The following SLIT2 variants were observed in gnomAD, a reference collection of about 807,000 sequenced individuals.
SLIT2 encodes the protein slit homolog 2 protein.
SLIT2 carries 41 observed loss-of-function variants against 185.7 expected under a neutral mutation model. The observed-to-expected ratio is 0.22, with a 90% CI of 0.17 to 0.29. The LOEUF is 0.29. Among genes scored for constraint, SLIT2 ranks in the 10% least tolerant of loss-of-function variants. SLIT2 has a pLI of 1.00. For synonymous variants in SLIT2, 693 were observed against 680.2 expected (o/e 1.02, Z -0.29); for missense variants, 1,571 against 1,909.0 (o/e 0.82, Z 3.30).
chr4:20,617,635 G>C lies in SLIT2; in HGVS notation c.4333G>C (p.Asp1445His), dbSNP rs141897818. 994 of 1,610,810 alleles carry C rather than the reference G, an allele frequency of 6.2e-4. 6 individuals are homozygous for C. The highest frequency in any genetic ancestry group is 2.9e-3 in the Middle Eastern group (14 of 4,746). Residue 1445 changes from aspartate to histidine, a missense_variant, in exon 36 of 37, where the codon GAC (aspartate) becomes CAC (histidine). Asp to His is a moderately conservative substitution (Grantham distance 81). Coordinates refer to ENST00000504154, the MANE Select transcript of SLIT2 (RefSeq NM_004787.4). ...YCECSSGYTGDSCDREISCRG... is the reference protein window; with the variant it reads ...YCECSSGYTGHSCDREISCRG... ...TGAATGCAGCAGTGGATACACGGGG[G>C]ACAGCTGTGATCGAGGTAAGCCAGC...
chr4:20,472,313 TAG>T (rs1474155149), intron 5 of SLIT2, among the ~76,000 whole-genome samples: 2 of 23,270 alleles, frequency 8.6e-5, no homozygotes, highest in African/African-American at 5.0e-4. Flanking sequence ...GATCTATATA[TAG>T]ATATATATAT....
chr4:20,525,142 T>C lies in SLIT2; in HGVS notation c.1439-7T>C, dbSNP rs1053489542. ...ATCTTCTATTTTTTGTCTCTTTTTT[T>C]ATTTAGCTAAAGAACAGTATTTCAT... is the stretch of plus-strand genomic sequence containing the variant. On this transcript the variant is annotated splice_polypyrimidine_tract_variant and splice_region_variant and intron_variant, in intron 14 of 36. Coordinates refer to ENST00000504154, the MANE Select transcript of SLIT2 (RefSeq NM_004787.4). The C allele has an allele frequency of 3.7e-6, 6 of 1,606,138 alleles. No individual in the cohort carries two copies. In the African/African-American group the frequency reaches 8.0e-5, roughly 21 times the overall value.
chr4:20,319,361 G>C (rs1047244951), intron 4 of SLIT2, among the ~76,000 whole-genome samples: 3 of 152,116 alleles, frequency 2.0e-5, no homozygotes, highest in African/African-American at 7.2e-5. Flanking sequence ...AAGACAGGTG[G>C]TGAAATAAGA....
At chr4:20,470,625 G>C (rs926027502) in intron 5 of SLIT2, among the ~76,000 whole-genome samples, 3 of 151,934 alleles carry the variant, frequency 2.0e-5, no homozygotes, top group African/African-American at 4.8e-5. Context: ...ACCCAGGCTG[G>C]AGTGCAGTGG....
At chr4:20,345,390 C>G (rs1721300145) in intron 4 of SLIT2, among the ~76,000 whole-genome samples, 1 of 152,116 alleles carries the variant, frequency 6.6e-6, no homozygotes, top group African/African-American at 2.4e-5. Flanking sequence ...CTTGAATGTC[C>G]AGGTCCAGCA....
chr4:20,366,041 A>G (rs1439422256), intron 4 of SLIT2, among the ~76,000 whole-genome samples: 2 of 152,170 alleles, frequency 1.3e-5, no homozygotes, highest in Non-Finnish European at 2.9e-5. Flanking sequence ...TTCACTTAAC[A>G]TGGAAGTCCA....
At chr4:20,451,901 T>A (rs1712517146) in intron 4 of SLIT2, among the ~76,000 whole-genome samples, 1 of 152,166 alleles carries the variant, frequency 6.6e-6, no homozygotes, top group Non-Finnish European at 1.5e-5. Flanking sequence ...ACATACATTA[T>A]TAAAAGAGAT....
chr4:20,273,640 A>G (rs1435720335), intron 4 of SLIT2, among the ~76,000 whole-genome samples: 3 of 152,176 alleles, frequency 2.0e-5, no homozygotes, highest in Admixed American at 2.0e-4. Context: ...AGTAGACATA[A>G]CACAATCAAA....
At chr4:20,300,565 C>A (rs1277646455) in intron 4 of SLIT2, among the ~76,000 whole-genome samples, 9 of 151,782 alleles carry the variant, frequency 5.9e-5, no homozygotes, top group Non-Finnish European at 1.3e-4. Context: ...ATGATGAGTG[C>A]ATTTTAGTTG....
At chr4:20,583,999 G>T (rs1225366477) in intron 29 of SLIT2, among the ~76,000 whole-genome samples, 1 of 151,990 alleles carries the variant, frequency 6.6e-6, no homozygotes, top group African/African-American at 2.4e-5. Flanking sequence ...CTGAACATAT[G>T]CTGGCACTTT....
intron 4 of SLIT2, among the ~76,000 whole-genome samples, chr4:20,275,325 G>A (rs965146968): frequency 2.0e-5 from 3 of 152,100 alleles, no homozygotes; most frequent in Non-Finnish European, 4.4e-5. Flanking sequence ...GTAGACAACC[G>A]TATTGTTGAG....
At chr4:20,503,089 G>C (rs1033032199) in intron 9 of SLIT2, among the ~76,000 whole-genome samples, 4 of 152,134 alleles carry the variant, frequency 2.6e-5, no homozygotes, top group African/African-American at 9.7e-5. Flanking sequence ...TAGTCACAAT[G>C]TTATTTATTC....
Position 20,488,895 on chromosome 4 carries a change from G to T in SLIT2, c.688G>T (p.Val230Phe), listed in dbSNP as rs754321837. 29 of 1,612,938 alleles carry T rather than the reference G, an allele frequency of 1.8e-5. No homozygotes were observed. The highest frequency in any genetic ancestry group is 1.5e-4 in the Admixed American group (9 of 59,990). The change falls in exon 8 of 37, where the codon GTT becomes TTT. Residue 230 changes from valine to phenylalanine, a missense_variant. Physicochemically the swap from Val to Phe is conservative, Grantham distance 50 (BLOSUM62 -1). This residue lies in a region of SLIT2 where 1,202 missense variants were observed against 1,416.4 expected (regional missense o/e 0.85). Coordinates refer to ENST00000504154, the MANE Select transcript of SLIT2 (RefSeq NM_004787.4). ...LSDWLRQRPR[V>F]GLYTQCMGPS... Reference sequence around the variant, plus strand: ...CGACTGGCTTCGCCAAAGGCCTCGGGTTGGTCTGTACACTCAGTGTATGGG... The same window carrying T: ...CGACTGGCTTCGCCAAAGGCCTCGGTTTGGTCTGTACACTCAGTGTATGGG...
At chr4:20,338,555 A>G (rs1311598576) in intron 4 of SLIT2, among the ~76,000 whole-genome samples, 3 of 152,202 alleles carry the variant, frequency 2.0e-5, no homozygotes, top group Non-Finnish European at 4.4e-5. Context: ...GCAAGGAGCT[A>G]TGCAGCAAGG....
chr4:20,467,243 C>G (rs1577711683), intron 4 of SLIT2, among the ~76,000 whole-genome samples: 3 of 152,220 alleles, frequency 2.0e-5, no homozygotes, highest in Middle Eastern at 6.8e-3. Flanking sequence ...CTGCCATGTT[C>G]CATTTTCAAG....
intron 4 of SLIT2, among the ~76,000 whole-genome samples, chr4:20,408,389 A>G (rs1441590393): frequency 6.6e-6 from 1 of 151,952 alleles, no homozygotes; most frequent in Non-Finnish European, 1.5e-5. Context: ...CCTTCCATTA[A>G]TTTGTCTGTT....
At chr4:20,438,521 G>A (rs572266931) in intron 4 of SLIT2, among the ~76,000 whole-genome samples, 1 of 152,036 alleles carries the variant, frequency 6.6e-6, no homozygotes, top group Non-Finnish European at 1.5e-5. Flanking sequence ...TCTCCCACTG[G>A]TTCCCTCCCA....
intron 4 of SLIT2, among the ~76,000 whole-genome samples, chr4:20,371,254 C>T (rs1723545744): frequency 6.6e-6 from 1 of 151,994 alleles, no homozygotes; most frequent in South Asian, 2.1e-4. Flanking sequence ...CTCACACAGT[C>T]ACTCATACAC....
chr4:20,335,974 G>A (rs1720468918), intron 4 of SLIT2, among the ~76,000 whole-genome samples: 1 of 152,064 alleles, frequency 6.6e-6, no homozygotes, highest in South Asian at 2.1e-4. Context: ...AGAAAACTGA[G>A]TTTAGCCGAC....
Sources: gnomAD v4.1 joint callset for allele counts (sites outside exome capture counted in the v4.1 genomes callset) on GRCh38, gnomAD v4.1.1 for gene constraint, gnomAD v4.1.1 regional missense constraint, MANE v1.5 for transcripts, NCBI Gene and HGNC (gene_info 2026-07-23, HGNC 2026-07-21) for gene names.